The following DNAH7 variants were observed in gnomAD, a reference collection of about 807,000 sequenced individuals.
The protein encoded by DNAH7 is dynein axonemal heavy chain 7.
DNAH7 carries 397 observed loss-of-function variants against 444.6 expected under a neutral mutation model. The observed-to-expected ratio is 0.89, with a 90% CI of 0.82 to 0.97. The LOEUF is 0.97. Among genes scored for constraint, DNAH7 ranks in the 50% least tolerant of loss-of-function variants. The probability of loss-of-function intolerance (pLI) is 0.00; values close to 1 mark genes in which losing one functional copy is unlikely to be tolerated. For missense variants in DNAH7, 4,902 were observed against 4,800.8 expected, an observed-to-expected ratio of 1.02 and a Z score of -0.62; for synonymous variants, 1,636 against 1,624.4, an observed-to-expected ratio of 1.01 and a Z score of -0.17.
At position 195,808,824 on chromosome 2, in the gene DNAH7, T is replaced by A. The variant is rs1210187139; in HGVS notation, c.9941A>T (p.Asn3314Ile). 6.2e-7 allele frequency: 1 copy of A among 1,613,832 alleles called. No individual in the cohort carries two copies. The highest frequency in any genetic ancestry group is 1.3e-5 in the African/African-American group (1 of 74,926). The change falls in exon 53 of 65, where the codon AAT (asparagine) becomes ATT (isoleucine). Residue 3314 changes from asparagine (N) to isoleucine (I), a missense_variant. Asn to Ile is a moderately radical substitution (Grantham distance 149). Transcript: ENST00000312428. ...CCATGTACAAAGGTTGGCATAAGGA[T>A]TATCCAGTCCAATGCCACCAGTTAG... ...FLLTGGIGLD[N>I]PYANLCTWLP...
intron 5 of DNAH7, among the ~76,000 whole-genome samples, chr2:196,035,361 T>C (rs1662597919): frequency 3.3e-5 from 5 of 152,256 alleles, no homozygotes; most frequent in South Asian, 4.1e-4. Context: ...CCTGCAACCA[T>C]TGTTGCATCA....
At chr2:195,821,311 T>C (rs1344547077) in intron 49 of DNAH7, among the ~76,000 whole-genome samples, 1 of 152,216 alleles carries the variant, frequency 6.6e-6, no homozygotes, top group Non-Finnish European at 1.5e-5. Flanking sequence ...AAACTAAAAA[T>C]AGGTAATGCT....
At chr2:195,817,062 G>A in intron 50 of DNAH7, 99 bp from the exon 51 acceptor site, 1 of 828,540 alleles carries the variant, frequency 1.2e-6, no homozygotes, top group Non-Finnish European at 1.9e-6. Context: ...GTAACCTAAA[G>A]AAATGCATCA....
chr2:196,049,758 T>C (rs1697350804), intron 3 of DNAH7, among the ~76,000 whole-genome samples: 1 of 152,224 alleles, frequency 6.6e-6, no homozygotes, highest in South Asian at 2.1e-4. Context: ...TAGATGATTA[T>C]ATGCTTCGCC....
At chr2:195,762,452 A>T (rs906325799) in intron 61 of DNAH7, among the ~76,000 whole-genome samples, 1 of 152,144 alleles carries the variant, frequency 6.6e-6, no homozygotes, top group African/African-American at 2.4e-5. Flanking sequence ...AATTTTTTTA[A>T]AAAACAAGAC....
intron 34 of DNAH7, 41 bp from the exon 35 acceptor site, chr2:195,884,850 T>C (rs371596005): frequency 1.3e-6 from 2 of 1,522,352 alleles, no homozygotes; most frequent in Admixed American, 3.5e-5. Context: ...AATTAAAGAA[T>C]AATTTTAATC....
At chr2:196,024,582 T>C in intron 7 of DNAH7, 78 bp from the exon 8 acceptor site, 1 of 748,942 alleles carries the variant, frequency 1.3e-6, no homozygotes, top group South Asian at 2.5e-5. Flanking sequence ...CAAAGCTAGT[T>C]CTACTAAGAT....
Position 195,816,904 on chromosome 2 carries a change from A to G in DNAH7, c.9485T>C (p.Ile3162Thr), listed in dbSNP as rs1319408921. 4 of 1,613,016 alleles carry G rather than the reference A, an allele frequency of 2.5e-6. No homozygotes were observed. Among genetic ancestry groups the G allele is most frequent in the Non-Finnish European group, 3.4e-6 (4 of 1,179,626 alleles). The change falls in exon 51 of 65, where the codon ATA becomes ACA. Residue 3162 changes from isoleucine to threonine, a missense_variant. By Grantham distance (89) the Ile-to-Thr change is moderately conservative. Transcript: ENST00000312428. ...LEVLSSSEGN[I>T]LEDETAIKIL... is the part of the protein sequence containing the mutation. ...CTTAATAGCAGTTTCATCTTCTAAT[A>G]TATTGCCTTCCGAAGATGAAAGAAC...
At chr2:195,899,619 T>G (rs563138718) in intron 28 of DNAH7, among the ~76,000 whole-genome samples, 3 of 152,302 alleles carry the variant, frequency 2.0e-5, no homozygotes, top group Admixed American at 1.3e-4. Context: ...CTTAATCACA[T>G]AGGATATAAT....
At chr2:195,970,752 A>G (rs1359194430) in intron 16 of DNAH7, among the ~76,000 whole-genome samples, 2 of 152,204 alleles carry the variant, frequency 1.3e-5, no homozygotes, top group Non-Finnish European at 1.5e-5. Context: ...TGGCTCTAAA[A>G]AATAGCTCAA....
chr2:195,861,761 G>A lies in DNAH7; in HGVS notation c.7692C>T (p.Leu2564=), dbSNP rs750777101. 16 of 1,613,038 alleles carry A rather than the reference G, an allele frequency of 9.9e-6. No individual in the cohort carries two copies. Among genetic ancestry groups the A allele is most frequent in the South Asian group, 3.3e-5 (3 of 91,014 alleles). Residue 2564 remains leucine, a synonymous_variant, in exon 42 of 65, where the codon CTC becomes CTT. Coordinates refer to ENST00000312428, the MANE Select transcript of DNAH7 (RefSeq NM_018897.3). The part of the protein sequence containing the change: ...RYNYVTPTSY[L]ELISTFKLLL... ...ACAGTTTGAAGGTGGAGATTAATTCGAGGTAAGAGGTAGGAGTCACATAAT... is the reference window on the plus strand; with the variant it reads ...ACAGTTTGAAGGTGGAGATTAATTCAAGGTAAGAGGTAGGAGTCACATAAT...
intron 21 of DNAH7, 119 bp downstream of exon 21, chr2:195,934,471 GA>G (rs1688911507): frequency 9.3e-7 from 1 of 1,070,830 alleles, no homozygotes; most frequent in Admixed American, 2.2e-5. Context: ...TATCACATTT[GA>G]ATTGGTAATT....
At position 196,038,377 on chromosome 2, in the gene DNAH7, T is replaced by C. The variant is rs182707913; in HGVS notation, c.398+8975A>G. 8.3e-4 allele frequency among the ~76,000 whole-genome samples: 127 copies of C among 152,132 alleles called. 1 individual carries two copies. In the East Asian group the frequency reaches 0.022, roughly 27 times the overall value. On this transcript the variant is annotated intron_variant, in intron 5 of 64. Coordinates refer to ENST00000312428, the MANE Select transcript of DNAH7 (RefSeq NM_018897.3). Reference sequence around the variant, plus strand: ...GAGAAAAAGGAGTCAAGCAATACTTTATAGAAGAACACCAAATCACAAAGG... The same window carrying C: ...GAGAAAAAGGAGTCAAGCAATACTTCATAGAAGAACACCAAATCACAAAGG...
chr2:195,895,569 G>T (rs1329720273), intron 29 of DNAH7, among the ~76,000 whole-genome samples: 3 of 152,130 alleles, frequency 2.0e-5, no homozygotes, highest in Admixed American at 2.0e-4. Flanking sequence ...CTCCTGGGTA[G>T]CTGGGACTAT....
chr2:195,900,947 T>G (rs1477426189), intron 27 of DNAH7: 2 of 152,302 alleles, frequency 1.3e-5, no homozygotes, highest in African/African-American at 4.8e-5. Context: ...TCATTAAGAA[T>G]AATTTTAAAA....
intron 61 of DNAH7, among the ~76,000 whole-genome samples, chr2:195,758,826 T>G (rs1344923236): frequency 6.6e-6 from 1 of 152,166 alleles, no homozygotes; most frequent in Non-Finnish European, 1.5e-5. Flanking sequence ...CTGATGCCTG[T>G]GAAAGAAGCA....
chr2:195,742,152 G>A (rs1196564127), intron 63 of DNAH7, among the ~76,000 whole-genome samples: 3 of 152,190 alleles, frequency 2.0e-5, no homozygotes, highest in Admixed American at 6.5e-5. Context: ...CAGTGGAGGG[G>A]TGGACTTGCG....
intron 15 of DNAH7, among the ~76,000 whole-genome samples, chr2:195,974,736 T>G (rs114368232): frequency 0.057 from 8,290 of 145,426 alleles, 371 homozygotes; most frequent in African/African-American, 0.13. Context: ...AAAATATATA[T>G]AGGCATGTAT....
In DNAH7 at chr2:195,853,341, A is replaced by G; in HGVS notation, c.8781+2T>C. 1.2e-6 allele frequency: 2 copies of G among 1,612,762 alleles called. No homozygotes were observed. Among genetic ancestry groups the G allele is most frequent in the Non-Finnish European group, 1.7e-6 (2 of 1,179,344 alleles). ...AGGAAGAGATGGAATAGTGTCCCTT[A>G]CCTGTCTATAGGTGGATGTGAAGGC... On this transcript the variant is annotated splice_donor_variant, in intron 46 of 64. Transcript: ENST00000312428. LOFTEE classifies it high-confidence loss of function.
Sources: allele counts gnomAD v4.1 joint callset (sites outside exome capture counted in the v4.1 genomes callset), GRCh38; gene constraint gnomAD v4.1.1; transcripts MANE v1.5; gene names NCBI Gene and HGNC (gene_info 2026-07-23, HGNC 2026-07-21).